Variants in RNLS observed in about 807,000 individuals in gnomAD.
The protein encoded by RNLS is renalase.
In RNLS, 39 loss-of-function variants were observed where a neutral mutation model predicts 39.8. That is an observed-to-expected ratio of 0.98 (90% confidence interval 0.76 to 1.28). RNLS has a LOEUF of 1.28. Among genes scored for constraint, RNLS ranks in the 50% most tolerant of loss-of-function variants. RNLS has a pLI of 0.00. For synonymous variants in RNLS, 147 were observed against 150.7 expected, an observed-to-expected ratio of 0.98 and a Z score of 0.18; for missense variants, 410 against 413.3, an observed-to-expected ratio of 0.99 and a Z score of 0.07.
intron 4 of RNLS, among the ~76,000 whole-genome samples, chr10:88,474,760 C>T (rs765501570): frequency 3.7e-4 from 56 of 152,132 alleles, no homozygotes; most frequent in Non-Finnish European, 3.7e-4. Context: ...TAATACCTGA[C>T]TCAGAGGATT....
chr10:88,533,910 A>G (rs995445456), intron 4 of RNLS, among the ~76,000 whole-genome samples: 1 of 152,156 alleles, frequency 6.6e-6, no homozygotes, highest in African/African-American at 2.4e-5. Flanking sequence ...CTTGGGGTAG[A>G]TGAAATTGCT....
chr10:88,508,451 C>T (rs1845914946), intron 4 of RNLS, among the ~76,000 whole-genome samples: 1 of 152,132 alleles, frequency 6.6e-6, no homozygotes, highest in Non-Finnish European at 1.5e-5. Context: ...GTGTCTGGCA[C>T]ATAGTGAATA....
chr10:88,246,729 A>C, the RNLS span, among the ~76,000 whole-genome samples: 1 of 152,162 alleles, frequency 6.6e-6, no homozygotes, highest in Non-Finnish European at 1.5e-5. Context: ...AATAGCCATC[A>C]CAGCTTTAAC....
intron 4 of RNLS, among the ~76,000 whole-genome samples, chr10:88,505,866 T>C (rs995235443): frequency 1.3e-5 from 2 of 152,128 alleles, no homozygotes; most frequent in Admixed American, 6.6e-5. Flanking sequence ...ATGCACATGT[T>C]ATCAGTGTGA....
chr10:88,189,910 A>G, the RNLS span, among the ~76,000 whole-genome samples: 1 of 152,224 alleles, frequency 6.6e-6, no homozygotes. Flanking sequence ...AAGGGTGGCC[A>G]GCATATTTAA....
At chr10:88,414,091 TTTTG>T (rs532136632) in intron 4 of RNLS, among the ~76,000 whole-genome samples, 271 of 152,298 alleles carry the variant, frequency 1.8e-3, no homozygotes, top group South Asian at 0.014. Context: ...TTTAGGAAGT[TTTTG>T]TTTGTTTATT....
At chr10:88,188,353 G>A in the RNLS span, among the ~76,000 whole-genome samples, 2 of 152,186 alleles carry the variant, frequency 1.3e-5, no homozygotes, top group Non-Finnish European at 2.9e-5. Flanking sequence ...CACCACACCT[G>A]ACCTCAGTTG....
chr10:88,371,298 TG>T (rs1850539880), intron 4 of RNLS, among the ~76,000 whole-genome samples: 1 of 152,144 alleles, frequency 6.6e-6, no homozygotes, highest in Non-Finnish European at 1.5e-5. Flanking sequence ...GGGGTGTCTA[TG>T]TGTATATCAC....
At chr10:88,240,651 C>G in the RNLS span, among the ~76,000 whole-genome samples, 2 of 152,134 alleles carry the variant, frequency 1.3e-5, no homozygotes, top group African/African-American at 2.4e-5. Context: ...TATCAATCTT[C>G]CCTCTTAATT....
At chr10:88,265,081 G>A in the RNLS span, among the ~76,000 whole-genome samples, 1 of 152,066 alleles carries the variant, frequency 6.6e-6, no homozygotes, top group African/African-American at 2.4e-5. Flanking sequence ...AGCACCATTT[G>A]TTGAATAGGG....
At chr10:88,250,494 G>T in the RNLS span, among the ~76,000 whole-genome samples, 1 of 152,186 alleles carries the variant, frequency 6.6e-6, no homozygotes, top group African/African-American at 2.4e-5. Flanking sequence ...GTGTGAGGTG[G>T]ACTGTGGGGA....
the RNLS span, among the ~76,000 whole-genome samples, chr10:88,235,641 A>G: frequency 6.6e-6 from 1 of 152,202 alleles, no homozygotes; most frequent in Admixed American, 6.5e-5. Flanking sequence ...TTCCATTGGT[A>G]TTACAAAGTC....
chr10:88,380,363 C>CTTT lies in RNLS; in HGVS notation c.527-17641_527-17639dup, dbSNP rs10565402. Among the ~76,000 whole-genome samples, 8 of 73,156 alleles carry CTTT rather than the reference C, an allele frequency of 1.1e-4. 1 individual carries two copies. Among genetic ancestry groups the CTTT allele is most frequent in the Admixed American group, 1.9e-4 (1 of 5,352 alleles). 48.0% of individuals were successfully genotyped at this position (73,156 alleles called of 152,430 possible). A position where few individuals can be genotyped will look rare whatever the true frequency, so the allele number is the denominator to read the frequency against. ...ATTTTTTAGTCTTGGGGTTTTGTAT[C>CTTT]TTTTTTTTTTTTTTTTTTTTTTTTT... On this transcript the variant is annotated intron_variant, in intron 4 of 6. Transcript: ENST00000331772.
intron 5 of RNLS, among the ~76,000 whole-genome samples, chr10:88,361,336 T>C (rs186492430): frequency 6.6e-6 from 1 of 152,340 alleles, no homozygotes; most frequent in East Asian, 1.9e-4. Flanking sequence ...AATGTCTTTA[T>C]GCTATTAAAC....
chr10:88,390,641 A>C (rs1374772799), intron 4 of RNLS, among the ~76,000 whole-genome samples: 1 of 152,176 alleles, frequency 6.6e-6, no homozygotes, highest in Non-Finnish European at 1.5e-5. Flanking sequence ...AAAACAACTA[A>C]CAGCTGGCTC....
chr10:88,490,930 A>C lies in RNLS; in HGVS notation c.526+81973T>G, dbSNP rs1432818542. On this transcript the variant is annotated intron_variant, in intron 4 of 6. Coordinates refer to ENST00000331772, the MANE Select transcript of RNLS (RefSeq NM_001031709.3). Reference sequence around the variant, plus strand: ...TAGACTATCAATTTATATACAATGAAATAACAATAAAATGTTACAAGTCTA... The same window carrying C: ...TAGACTATCAATTTATATACAATGACATAACAATAAAATGTTACAAGTCTA... 2.0e-5 allele frequency among the ~76,000 whole-genome samples: 3 copies of C among 152,214 alleles called. No homozygotes were observed. In the East Asian group the frequency reaches 5.8e-4, roughly 29 times the overall value.
intron 4 of RNLS, among the ~76,000 whole-genome samples, chr10:88,412,567 CA>C (rs1853741601): frequency 6.6e-6 from 1 of 151,102 alleles, no homozygotes; most frequent in Non-Finnish European, 1.5e-5. Context: ...AGTGCTGCAA[CA>C]AAAGTTGAAA....
the RNLS span, among the ~76,000 whole-genome samples, chr10:88,189,157 C>T: frequency 1.3e-5 from 2 of 152,114 alleles, no homozygotes; most frequent in Admixed American, 6.5e-5. Flanking sequence ...TATATATGTA[C>T]CTATCCATCT....
At chr10:88,504,240 T>A (rs551827611) in intron 4 of RNLS, among the ~76,000 whole-genome samples, 1 of 152,212 alleles carries the variant, frequency 6.6e-6, no homozygotes, top group Admixed American at 6.6e-5. Context: ...AGGAGACTGG[T>A]TAAATTGCCT....
Sources: gnomAD v4.1 joint callset for allele counts (sites outside exome capture counted in the v4.1 genomes callset) on GRCh38, gnomAD v4.1.1 for gene constraint, MANE v1.5 for transcripts, NCBI Gene and HGNC (gene_info 2026-07-23, HGNC 2026-07-21) for gene names.